THSD7B: variants seen among roughly 807,000 people sequenced by gnomAD.
THSD7B encodes the protein thrombospondin type-1 domain-containing protein 7B.
In THSD7B, 138 loss-of-function variants were observed where a neutral mutation model predicts 213.6. That is an observed-to-expected ratio of 0.65 (90% CI 0.56 to 0.74). The LOEUF (loss-of-function observed/expected upper bound fraction) is 0.74, where lower values mean the gene tolerates loss of function less well. Ranked by LOEUF, THSD7B falls within the 30% of genes least tolerant of loss-of-function variation. The probability of loss-of-function intolerance (pLI) is 0.00; values close to 1 mark genes in which losing one functional copy is unlikely to be tolerated. For synonymous variants in THSD7B, 742 were observed against 687.0 expected (o/e 1.08, Z -1.25); for missense variants, 1,931 against 1,991.5 (o/e 0.97, Z 0.58).
intron 12 of THSD7B, among the ~76,000 whole-genome samples, chr2:137,357,363 GT>G (rs1184545167): frequency 1.3e-5 from 2 of 152,010 alleles, no homozygotes; most frequent in Non-Finnish European, 2.9e-5. Context: ...ATCTCCATTT[GT>G]TGTTTTTTAA....
At chr2:137,245,979 A>G (rs544429200) in intron 10 of THSD7B, among the ~76,000 whole-genome samples, 1 of 152,272 alleles carries the variant, frequency 6.6e-6, no homozygotes, top group East Asian at 1.9e-4. Flanking sequence ...TGATACATAT[A>G]TGTTGGGTAT....
intron 2 of THSD7B, among the ~76,000 whole-genome samples, chr2:136,989,202 T>A (rs537391894): frequency 6.6e-6 from 1 of 152,090 alleles, no homozygotes; most frequent in South Asian, 2.1e-4. Flanking sequence ...AGGAGAGGGG[T>A]ATGAGTTTGG....
chr2:136,786,825 A>G (rs1012675599), intron 1 of THSD7B, among the ~76,000 whole-genome samples: 4 of 152,172 alleles, frequency 2.6e-5, no homozygotes, highest in Non-Finnish European at 4.4e-5. Flanking sequence ...CTTATCAGTC[A>G]TTCACCTAAT....
At chr2:137,376,911 A>T (rs1685669159) in intron 12 of THSD7B, among the ~76,000 whole-genome samples, 1 of 152,208 alleles carries the variant, frequency 6.6e-6, no homozygotes, top group African/African-American at 2.4e-5. Context: ...AAAGCATCTC[A>T]TCGTTAGCTT....
At chr2:136,775,493 G>A (rs1245494322) in intron 1 of THSD7B, among the ~76,000 whole-genome samples, 2 of 152,060 alleles carry the variant, frequency 1.3e-5, no homozygotes, top group African/African-American at 4.8e-5. Context: ...ATTCTATTCA[G>A]ATGTACCCTT....
chr2:137,255,513 A>G (rs1478637948), intron 10 of THSD7B, among the ~76,000 whole-genome samples: 3 of 152,136 alleles, frequency 2.0e-5, no homozygotes, highest in African/African-American at 7.2e-5. Context: ...GGCATCATTA[A>G]GAGGACTCCA....
At chr2:137,208,840 A>G (rs1455667503) in intron 7 of THSD7B, among the ~76,000 whole-genome samples, 1 of 152,158 alleles carries the variant, frequency 6.6e-6, no homozygotes, top group South Asian at 2.1e-4. Context: ...TCTGAAAAAC[A>G]TCTCAAAAGG....
rs139977317 is a variant in THSD7B at position 137,591,922 on chromosome 2, C to CT, written c.3423+19374dup. On this transcript the variant is annotated intron_variant, in intron 17 of 27. Coordinates refer to ENST00000409968, the MANE Select transcript of THSD7B (RefSeq NM_001316349.2). ...TGTTTTTAAAATATCTTTATTAGCT[C>CT]TTTTTTTTATTTTTCTATGCTTCTT... Among the ~76,000 whole-genome samples, 1,043 of 151,146 alleles carry CT rather than the reference C, an allele frequency of 6.9e-3. 9 individuals carry two copies. The highest frequency in any genetic ancestry group is 0.021 in the African/African-American group (859 of 41,336).
At chr2:137,671,484 G>T (rs1683576733) in intron 27 of THSD7B, among the ~76,000 whole-genome samples, 1 of 76,098 alleles carries the variant, frequency 1.3e-5, no homozygotes, top group Non-Finnish European at 2.6e-5. Context: ...ATATAGGGCT[G>T]GAGAGGCCTC....
chr2:136,953,863 T>C (rs140109778), intron 2 of THSD7B, among the ~76,000 whole-genome samples: 86 of 152,326 alleles, frequency 5.6e-4, no homozygotes, highest in African/African-American at 2.0e-3. Flanking sequence ...TTAAGAGTCA[T>C]TAAAATCACC....
intron 12 of THSD7B, 121 bp from the exon 13 acceptor site, chr2:137,405,492 G>C (rs551433793): frequency 1.2e-6 from 1 of 840,748 alleles, no homozygotes; most frequent in Admixed American, 3.1e-5. Context: ...GTTGAACACC[G>C]TTTGCACCAT....
chr2:137,448,126 A>T (rs1687576610), intron 14 of THSD7B, among the ~76,000 whole-genome samples: 1 of 152,180 alleles, frequency 6.6e-6, no homozygotes, highest in South Asian at 2.1e-4. Context: ...CAGAAGAATG[A>T]CCAAGCAGTG....
chr2:137,166,796 T>C (rs906199133), intron 6 of THSD7B, among the ~76,000 whole-genome samples: 12 of 152,334 alleles, frequency 7.9e-5, no homozygotes, highest in African/African-American at 2.9e-4. Context: ...TATAAAATCA[T>C]TTTGCTTTCT....
At chr2:137,479,501 T>TG in intron 15 of THSD7B, 1 of 415,062 alleles carries the variant, frequency 2.4e-6, no homozygotes, top group South Asian at 1.7e-5. Flanking sequence ...CAGCAGTTGC[T>TG]GGGGAAAGTG....
At chr2:137,272,125 T>G (rs756685298) in intron 10 of THSD7B, among the ~76,000 whole-genome samples, 1 of 152,092 alleles carries the variant, frequency 6.6e-6, no homozygotes, top group African/African-American at 2.4e-5. Context: ...TTTGTTTGCA[T>G]TATAAAAAAT....
At chr2:137,057,741 A>G (rs1687198339) in intron 3 of THSD7B, among the ~76,000 whole-genome samples, 1 of 152,192 alleles carries the variant, frequency 6.6e-6, no homozygotes. Flanking sequence ...TAGCAATAAT[A>G]CCGAAAAGTT....
intron 5 of THSD7B, among the ~76,000 whole-genome samples, chr2:137,128,531 G>A (rs1208737185): frequency 6.6e-6 from 1 of 152,096 alleles, no homozygotes; most frequent in Non-Finnish European, 1.5e-5. Context: ...TATAACAGAC[G>A]ATTCTTACCA....
intron 15 of THSD7B, among the ~76,000 whole-genome samples, chr2:137,550,157 G>A (rs1261771410): frequency 1.3e-5 from 2 of 151,864 alleles, no homozygotes; most frequent in African/African-American, 2.4e-5. Flanking sequence ...ATAGTGCTGT[G>A]GAACAGAATG....
intron 4 of THSD7B, among the ~76,000 whole-genome samples, chr2:137,095,352 A>G (rs1488902421): frequency 2.6e-5 from 4 of 152,158 alleles, no homozygotes; most frequent in African/African-American, 4.8e-5. Flanking sequence ...TTCTTCAAGT[A>G]CTTAATTAGA....
Sources: allele counts gnomAD v4.1 joint callset (sites outside exome capture counted in the v4.1 genomes callset), GRCh38; gene constraint gnomAD v4.1.1; transcripts MANE v1.5; gene names NCBI Gene and HGNC (gene_info 2026-07-23, HGNC 2026-07-21).